The following VWC2 variants were observed in gnomAD, a reference collection of about 807,000 sequenced individuals.
VWC2 encodes the protein von Willebrand factor C domain containing 2, also known as brorin.
Under a neutral mutation model 29.8 loss-of-function variants are expected in VWC2, and 14 were observed. That is an observed-to-expected ratio of 0.47 (90% CI 0.31 to 0.74). The LOEUF (loss-of-function observed/expected upper bound fraction) is 0.74. Among genes scored for constraint, VWC2 ranks in the 30% least tolerant of loss-of-function variants. The pLI, the probability that VWC2 is intolerant of heterozygous loss-of-function variation, is 0.05. For missense variants in VWC2, 457 were observed against 459.8 expected (o/e 0.99, Z 0.05); for synonymous variants, 213 against 199.0 (o/e 1.07, Z -0.59).
In VWC2 at chr7:49,775,603, G is replaced by A; in HGVS notation, c.168G>A (p.Pro56=). 6.5e-7 allele frequency: 1 copy of A among 1,533,760 alleles called. No individual in the cohort carries two copies. Reference sequence around the variant, plus strand: ...GTGAGCACGCCTCTCGGGACGGCCCGGGGCGGGTGAACGAGCTCGGGCGCC... The same window carrying A: ...GTGAGCACGCCTCTCGGGACGGCCCAGGGCGGGTGAACGAGCTCGGGCGCC... ...EKREHASRDG[P]GRVNELGRPA... The change falls in exon 2 of 4, where the codon CCG becomes CCA. Residue 56 remains proline (P), a synonymous_variant. Coordinates refer to ENST00000340652, the MANE Select transcript of VWC2 (RefSeq NM_198570.5).
At chr7:49,864,875 GT>G (rs1562739492) in intron 3 of VWC2, among the ~76,000 whole-genome samples, 1 of 152,158 alleles carries the variant, frequency 6.6e-6, no homozygotes, top group Non-Finnish European at 1.5e-5. Flanking sequence ...TGCCTTGTTC[GT>G]GATTCAGTGC....
intron 3 of VWC2, among the ~76,000 whole-genome samples, chr7:49,911,173 A>G (rs1038926976): frequency 1.3e-5 from 2 of 152,194 alleles, no homozygotes; most frequent in African/African-American, 4.8e-5. Flanking sequence ...TGAAAGTCAC[A>G]GTGTTGTCTC....
intron 3 of VWC2, among the ~76,000 whole-genome samples, chr7:49,830,187 A>C (rs1789492789): frequency 6.6e-6 from 1 of 152,182 alleles, no homozygotes; most frequent in Non-Finnish European, 1.5e-5. Flanking sequence ...AGTCTCCAGG[A>C]AGAAATCTTA....
At chr7:49,856,081 G>A (rs1344820303) in intron 3 of VWC2, among the ~76,000 whole-genome samples, 1 of 152,170 alleles carries the variant, frequency 6.6e-6, no homozygotes. Flanking sequence ...TCTGTCCCCG[G>A]AAACACCACC....
intron 3 of VWC2, among the ~76,000 whole-genome samples, chr7:49,896,002 T>C (rs2128732515): frequency 6.6e-6 from 1 of 152,274 alleles, no homozygotes; most frequent in Admixed American, 6.5e-5. Flanking sequence ...TTCTTAGTAG[T>C]TATTGTGCTT....
intron 3 of VWC2, among the ~76,000 whole-genome samples, chr7:49,848,252 A>G (rs1340286883): frequency 6.6e-6 from 1 of 152,160 alleles, no homozygotes; most frequent in Non-Finnish European, 1.5e-5. Context: ...GTGCAGCACT[A>G]GCTGTCCAGA....
chr7:49,896,638 A>G (rs1792396109), intron 3 of VWC2, among the ~76,000 whole-genome samples: 1 of 152,140 alleles, frequency 6.6e-6, no homozygotes, highest in Non-Finnish European at 1.5e-5. Context: ...AATTAAACAC[A>G]TAGCAAGACA....
intron 3 of VWC2, among the ~76,000 whole-genome samples, chr7:49,806,295 T>C (rs1354791949): frequency 1.3e-5 from 2 of 152,210 alleles, no homozygotes; most frequent in Admixed American, 6.5e-5. Context: ...TCTTACTTTA[T>C]GGATCCAAAG....
chr7:49,789,317 GT>G (rs1320034999), intron 2 of VWC2, among the ~76,000 whole-genome samples: 2 of 89,814 alleles, frequency 2.2e-5, no homozygotes, highest in African/African-American at 4.5e-5. Context: ...GAGTGTGGGT[GT>G]AGGTGTGTGT....
intron 3 of VWC2, among the ~76,000 whole-genome samples, chr7:49,909,795 A>G (rs1488477530): frequency 1.6e-4 from 25 of 152,204 alleles, no homozygotes; most frequent in Admixed American, 1.6e-3. Context: ...GTGTCTGAAC[A>G]GGGGACAAGA....
At chr7:49,894,592 G>T (rs1343838362) in intron 3 of VWC2, among the ~76,000 whole-genome samples, 1 of 152,206 alleles carries the variant, frequency 6.6e-6, no homozygotes, top group Non-Finnish European at 1.5e-5. Context: ...CATATACTGA[G>T]CTCTAGCTCT....
intron 3 of VWC2, among the ~76,000 whole-genome samples, chr7:49,911,684 G>A (rs1243289190): frequency 6.6e-6 from 1 of 151,868 alleles, no homozygotes; most frequent in Non-Finnish European, 1.5e-5. Context: ...ATCACTTGAA[G>A]TCAGGAGTTC....
intron 3 of VWC2, among the ~76,000 whole-genome samples, chr7:49,857,085 C>T (rs1258931577): frequency 7.3e-6 from 1 of 136,584 alleles, no homozygotes; most frequent in Non-Finnish European, 1.5e-5. Flanking sequence ...TTTAGGTGCA[C>T]AATATCATAT....
At chr7:49,901,859 C>G (rs1171642740) in intron 3 of VWC2, among the ~76,000 whole-genome samples, 1 of 138,324 alleles carries the variant, frequency 7.2e-6, no homozygotes. Flanking sequence ...GAAATAGACT[C>G]AGATAAATAT....
In VWC2 at chr7:49,775,363, C is replaced by T. The variant is rs979354099; in HGVS notation, c.-73C>T. 1.5e-5 allele frequency: 19 copies of T among 1,243,656 alleles called. No individual in the cohort carries two copies. The highest frequency in any genetic ancestry group is 1.8e-5 in the Non-Finnish European group (18 of 973,902). 77.0% of individuals were successfully genotyped at this position (1,243,656 alleles called of 1,614,324 possible). On this transcript the variant is annotated 5_prime_UTR_variant, in exon 2 of 4. Coordinates refer to ENST00000340652, the MANE Select transcript of VWC2 (RefSeq NM_198570.5). ...GCGGCTCCCGGCTGGCGGCGGCGCG[C>T]CCCCGGGCTGTGAATGCGACTCGCC... is the stretch of plus-strand genomic sequence containing the variant.
At chr7:49,791,632 C>T (rs775476732) in intron 2 of VWC2, among the ~76,000 whole-genome samples, 4 of 152,188 alleles carry the variant, frequency 2.6e-5, no homozygotes, top group Non-Finnish European at 4.4e-5. Context: ...CCCAAACCTA[C>T]GGCCATTTTT....
chr7:49,898,228 CACAA>C (rs920800910), intron 3 of VWC2, among the ~76,000 whole-genome samples: 4 of 151,792 alleles, frequency 2.6e-5, no homozygotes, highest in Admixed American at 2.0e-4. Flanking sequence ...TATACACACA[CACAA>C]ACACACAGAT....
intron 3 of VWC2, among the ~76,000 whole-genome samples, chr7:49,821,731 T>C (rs986576591): frequency 6.6e-6 from 1 of 152,182 alleles, no homozygotes; most frequent in Non-Finnish European, 1.5e-5. Flanking sequence ...GCAAATTGTA[T>C]TTTAAATTCA....
intron 3 of VWC2, among the ~76,000 whole-genome samples, chr7:49,886,814 C>T (rs1791923428): frequency 6.6e-6 from 1 of 152,160 alleles, no homozygotes. Flanking sequence ...CTTTGGTGCT[C>T]CTCTGCTTTT....
Sources: gnomAD v4.1 joint callset for allele counts (sites outside exome capture counted in the v4.1 genomes callset) on GRCh38, gnomAD v4.1.1 for gene constraint, MANE v1.5 for transcripts, NCBI Gene and HGNC (gene_info 2026-07-23, HGNC 2026-07-21) for gene names.